BORCS5: variants seen among roughly 807,000 people sequenced by gnomAD.
BORCS5 encodes the protein BLOC-1-related complex subunit 5.
A neutral mutation model predicts 22.1 loss-of-function variants in BORCS5; 17 were observed. The observed-to-expected ratio is 0.77, with a 90% CI of 0.53 to 1.15. The LOEUF (loss-of-function observed/expected upper bound fraction) is 1.15, where lower values mean the gene tolerates loss of function less well. BORCS5 is among the 50% of genes most tolerant of loss of function. The pLI is 0.00. For missense variants in BORCS5, 247 were observed against 253.2 expected (o/e 0.98, Z 0.17); for synonymous variants, 117 against 99.8 (o/e 1.17, Z -1.03).
chr12:12,469,142 C>G lies in BORCS5; in HGVS notation c.*3366C>G, dbSNP rs561915252. ...CCGAGACGAGTGGATCACCTGAGGT[C>G]AGGAGTTCCAGACCAGCCTGACCAA... On this transcript the variant is annotated 3_prime_UTR_variant, in exon 4 of 4. Coordinates refer to ENST00000314565, the MANE Select transcript of BORCS5 (RefSeq NM_058169.6). 24 of 152,288 alleles carry G rather than the reference C, an allele frequency of 1.6e-4. No homozygotes were observed. Among genetic ancestry groups the G allele is most frequent in the African/African-American group, 4.3e-4 (18 of 41,544 alleles). 9.4% of individuals were successfully genotyped at this position (152,288 alleles called of 1,614,324 possible). A position where few individuals can be genotyped will look rare whatever the true frequency, so the allele number is the denominator to read the frequency against.
At chr12:12,416,355 CCTT>C (rs1250636218) in intron 2 of BORCS5, among the ~76,000 whole-genome samples, 6 of 151,516 alleles carry the variant, frequency 4.0e-5, no homozygotes, top group Non-Finnish European at 8.8e-5. Context: ...TTATTTCTAT[CCTT>C]CTGCTAACTT....
intron 2 of BORCS5, among the ~76,000 whole-genome samples, chr12:12,426,392 T>C (rs770465018): frequency 2.6e-4 from 40 of 152,224 alleles, no homozygotes; most frequent in Non-Finnish European, 1.2e-4. Context: ...AAGGTAGAGA[T>C]TGTGAAATGC....
chr12:12,378,539 A>AAATTTTTAAATTTTTTAAATT (rs1863705786), intron 2 of BORCS5, among the ~76,000 whole-genome samples: 17 of 151,490 alleles, frequency 1.1e-4, no homozygotes, highest in South Asian at 4.2e-4. Context: ...CTACAAAATA[A>AAATTTTTAAATTTTTTAAATT]CTAACCGGTT....
In BORCS5 at chr12:12,414,153, G is replaced by A. The variant is rs868400015; in HGVS notation, c.203-21475G>A. Among the ~76,000 whole-genome samples the A allele has an allele frequency of 1.7e-4, 17 of 97,740 alleles. No homozygotes were observed. The South Asian group carries it at 2.0e-3, about 11-fold the overall frequency. 64.1% of individuals were successfully genotyped at this position (97,740 alleles called of 152,430 possible). A position where few individuals can be genotyped will look rare whatever the true frequency, so the allele number is the denominator to read the frequency against. On this transcript the variant is annotated intron_variant, in intron 2 of 3. Coordinates refer to ENST00000314565, the MANE Select transcript of BORCS5 (RefSeq NM_058169.6). The stretch of plus-strand genomic sequence containing the variant: ...TCCTGGACGGGGCGGCTGGCCGGGC[G>A]GGGGGCTGACCCCCCCACCTCCCTC...
chr12:12,394,877 A>T (rs970165478), intron 2 of BORCS5, among the ~76,000 whole-genome samples: 3 of 152,106 alleles, frequency 2.0e-5, no homozygotes, highest in Non-Finnish European at 4.4e-5. Flanking sequence ...TATGAGGGAA[A>T]TATTAACATC....
At chr12:12,448,631 C>T (rs997072373) in intron 3 of BORCS5, among the ~76,000 whole-genome samples, 2 of 151,360 alleles carry the variant, frequency 1.3e-5, no homozygotes, top group African/African-American at 4.9e-5. Context: ...TGGTTTCAAG[C>T]GATTCTCCTG....
intron 3 of BORCS5, among the ~76,000 whole-genome samples, chr12:12,462,482 C>T (rs1943125364): frequency 6.6e-6 from 1 of 152,030 alleles, no homozygotes; most frequent in Non-Finnish European, 1.5e-5. Flanking sequence ...AGCCCTTAAA[C>T]CTAGGTGGTC....
At chr12:12,465,201 C>T (rs1943176552) in intron 3 of BORCS5, among the ~76,000 whole-genome samples, 1 of 152,180 alleles carries the variant, frequency 6.6e-6, no homozygotes, top group South Asian at 2.1e-4. Flanking sequence ...AGCTCATACA[C>T]GTGACAGAGC....
chr12:12,363,493 T>C (rs1863338960), intron 2 of BORCS5, among the ~76,000 whole-genome samples: 1 of 152,022 alleles, frequency 6.6e-6, no homozygotes, highest in South Asian at 2.1e-4. Flanking sequence ...AACAGCACTT[T>C]GGGAGGCCAA....
rs561653764 is a variant in BORCS5 at position 12,453,195 on chromosome 12, CAT to C, written c.361-12350_361-12349del. Among the ~76,000 whole-genome samples the C allele has an allele frequency of 3.1e-3, 465 of 152,282 alleles. 2 individuals carry two copies. The highest frequency in any genetic ancestry group is 0.01 in the African/African-American group (428 of 41,558). On this transcript the variant is annotated intron_variant, in intron 3 of 3. Coordinates refer to ENST00000314565, the MANE Select transcript of BORCS5 (RefSeq NM_058169.6). Reference sequence around the variant, plus strand: ...TTCACTATGTATATGTATGTCAAAACATGTGTGCTGTAAATATATAGTTTTTA... The same window carrying C: ...TTCACTATGTATATGTATGTCAAAACGTGTGCTGTAAATATATAGTTTTTA...
intron 3 of BORCS5, among the ~76,000 whole-genome samples, chr12:12,462,620 G>A (rs976465051): frequency 6.6e-6 from 1 of 152,020 alleles, no homozygotes; most frequent in Non-Finnish European, 1.5e-5. Context: ...GCTCCAGCTT[G>A]GATGGTTAGA....
chr12:12,470,981 C>T lies in BORCS5; in HGVS notation c.*5205C>T, dbSNP rs1943290519. The stretch of plus-strand genomic sequence containing the variant: ...AGTTATGCGAAAAGCTTTTCTGCAC[C>T]AAGTACTTTCATTCTGGTCTTTGGA... On this transcript the variant is annotated 3_prime_UTR_variant, in exon 4 of 4. Transcript: ENST00000314565. Among the ~76,000 whole-genome samples the T allele has an allele frequency of 6.6e-6, 1 of 152,096 alleles. No homozygotes were observed. Among genetic ancestry groups the T allele is most frequent in the East Asian group, 1.9e-4 (1 of 5,194 alleles).
At chr12:12,458,269 G>A (rs12368547) in intron 3 of BORCS5, among the ~76,000 whole-genome samples, 1 of 152,104 alleles carries the variant, frequency 6.6e-6, no homozygotes, top group African/African-American at 2.4e-5. Flanking sequence ...CCCACTTCCA[G>A]GTGATCTCCT....
intron 2 of BORCS5, among the ~76,000 whole-genome samples, chr12:12,400,740 C>G (rs542076866): frequency 2.0e-5 from 3 of 152,302 alleles, no homozygotes; most frequent in African/African-American, 7.2e-5. Context: ...TTATATCCTT[C>G]CCTGATATTC....
chr12:12,395,486 C>A (rs1317861435), intron 2 of BORCS5, among the ~76,000 whole-genome samples: 1 of 143,904 alleles, frequency 6.9e-6, no homozygotes, highest in Non-Finnish European at 1.5e-5. Flanking sequence ...GGGGTTTCAC[C>A]ATGTTGGCCA....
At chr12:12,434,212 G>A (rs112487667) in intron 2 of BORCS5, among the ~76,000 whole-genome samples, 2 of 151,116 alleles carry the variant, frequency 1.3e-5, no homozygotes. Flanking sequence ...GGGTCCAGGA[G>A]GTCGAGGTTG....
intron 2 of BORCS5, among the ~76,000 whole-genome samples, chr12:12,401,134 T>C (rs369697076): frequency 3.9e-5 from 6 of 152,338 alleles, no homozygotes; most frequent in African/African-American, 1.4e-4. Flanking sequence ...CATGTCTCCT[T>C]TTGCACATGT....
At chr12:12,404,848 G>A (rs57348917) in intron 2 of BORCS5, among the ~76,000 whole-genome samples, 38,266 of 151,972 alleles carry the variant, frequency 0.25, 5,681 homozygotes, top group African/African-American at 0.42. Context: ...ACAGGTGCCC[G>A]CCACCACACC....
At chr12:12,362,512 C>G (rs901552594) in intron 2 of BORCS5, among the ~76,000 whole-genome samples, 4 of 152,036 alleles carry the variant, frequency 2.6e-5, no homozygotes, top group African/African-American at 4.8e-5. Context: ...GTGCTGCACC[C>G]ATTAACTCGT....
Sources: allele counts gnomAD v4.1 joint callset (sites outside exome capture counted in the v4.1 genomes callset), GRCh38; gene constraint gnomAD v4.1.1; transcripts MANE v1.5; gene names NCBI Gene and HGNC (gene_info 2026-07-23, HGNC 2026-07-21).